Variants in PAPPA observed in about 807,000 individuals in gnomAD.
PAPPA encodes pappalysin-1.
PAPPA carries 60 observed loss-of-function variants against 164.0 expected under a neutral mutation model. The ratio of observed to expected loss-of-function variants is 0.37; its 90% confidence interval spans 0.30 to 0.45. The LOEUF is 0.45. Ranked by LOEUF, PAPPA falls within the 20% of genes least tolerant of loss-of-function variation. PAPPA has a pLI of 1.00. For missense variants in PAPPA, 1,782 were observed against 2,087.3 expected, an observed-to-expected ratio of 0.85 and a Z score of 2.85; for synonymous variants, 875 against 814.1, an observed-to-expected ratio of 1.07 and a Z score of -1.27.
chr9:116,202,321 A>G (rs1220430405), intron 2 of PAPPA, among the ~76,000 whole-genome samples: 1 of 152,180 alleles, frequency 6.6e-6, no homozygotes, highest in Admixed American at 6.5e-5. Flanking sequence ...GTGCCATCTC[A>G]GGCCAGTGCA....
At chr9:116,208,390 A>G (rs1205677438) in intron 3 of PAPPA, among the ~76,000 whole-genome samples, 1 of 152,076 alleles carries the variant, frequency 6.6e-6, no homozygotes, top group Non-Finnish European at 1.5e-5. Flanking sequence ...TCCATGTCGC[A>G]GAAGTCTTAT....
At chr9:116,366,024 A>G (rs748468617) in intron 18 of PAPPA, among the ~76,000 whole-genome samples, 2 of 152,182 alleles carry the variant, frequency 1.3e-5, no homozygotes, top group African/African-American at 4.8e-5. Flanking sequence ...TAATACATAC[A>G]TATGTATATT....
chr9:116,389,752 C>T lies in PAPPA; in HGVS notation c.4777-6757C>T, dbSNP rs192707649. ...GTGCCATGTTCTCAATGACTCCAAC[C>T]CTGACCACCCAACCCACATCACCCC... On this transcript the variant is annotated intron_variant, in intron 21 of 21. Coordinates refer to ENST00000328252, the MANE Select transcript of PAPPA (RefSeq NM_002581.5). Among the ~76,000 whole-genome samples the T allele has an allele frequency of 3.7e-3, 559 of 152,056 alleles. 9 individuals carry two copies. The highest frequency in any genetic ancestry group is 0.017 in the Middle Eastern group (5 of 292).
In PAPPA at chr9:116,235,227, C is replaced by T; in HGVS notation, c.2322C>T (p.Ala774=). The T allele has an allele frequency of 1.9e-6, 3 of 1,614,182 alleles. No individual in the cohort carries two copies. Among genetic ancestry groups the T allele is most frequent in the East Asian group, 2.2e-5 (1 of 44,876 alleles). The change falls in exon 7 of 22, where the codon GCC becomes GCT. Residue 774 remains alanine, a synonymous_variant. Coordinates refer to ENST00000328252, the MANE Select transcript of PAPPA (RefSeq NM_002581.5). ...TCAACCCACACACGGTTCCTCCAGC[C>T]TGCCCTGAGCCTCAAGGCTGCTACC... ...SAVNPHTVPP[A]CPEPQGCYLE...
intron 17 of PAPPA, among the ~76,000 whole-genome samples, chr9:116,360,509 T>C (rs912756516): frequency 2.0e-5 from 3 of 152,062 alleles, no homozygotes; most frequent in African/African-American, 4.8e-5. Flanking sequence ...TTTTCTCACA[T>C]AGGGGAGCCT....
At chr9:116,319,963 C>T (rs1187184306) in intron 10 of PAPPA, among the ~76,000 whole-genome samples, 2 of 152,156 alleles carry the variant, frequency 1.3e-5, no homozygotes, top group Non-Finnish European at 2.9e-5. Flanking sequence ...AAGCTTTTCC[C>T]TTAGAAGAAG....
intron 21 of PAPPA, among the ~76,000 whole-genome samples, chr9:116,393,393 C>T (rs1315603504): frequency 6.6e-6 from 1 of 152,146 alleles, no homozygotes; most frequent in South Asian, 2.1e-4. Context: ...AGTGGAGGCT[C>T]CCTGACTTGT....
chr9:116,213,377 C>G (rs1330104753), intron 4 of PAPPA, among the ~76,000 whole-genome samples: 1 of 152,054 alleles, frequency 6.6e-6, no homozygotes, highest in Non-Finnish European at 1.5e-5. Context: ...GTGTCAATAA[C>G]CCACCTCTGG....
intron 19 of PAPPA, among the ~76,000 whole-genome samples, chr9:116,372,858 G>T (rs144548195): frequency 6.6e-6 from 1 of 152,306 alleles, no homozygotes; most frequent in East Asian, 1.9e-4. Flanking sequence ...TCACTCCCCA[G>T]TGAGGTAAGG....
intron 21 of PAPPA, among the ~76,000 whole-genome samples, chr9:116,383,531 T>C (rs919484903): frequency 3.9e-5 from 5 of 126,996 alleles, no homozygotes; most frequent in African/African-American, 5.6e-5. Flanking sequence ...ACAAAGTGAA[T>C]GATAGAAAGA....
intron 9 of PAPPA, among the ~76,000 whole-genome samples, chr9:116,272,468 A>G (rs916085246): frequency 1.3e-5 from 2 of 152,226 alleles, no homozygotes; most frequent in African/African-American, 4.8e-5. Flanking sequence ...GGGTGCATTT[A>G]GACATTCTTT....
At chr9:116,306,705 A>G (rs1407085757) in intron 10 of PAPPA, among the ~76,000 whole-genome samples, 2 of 152,130 alleles carry the variant, frequency 1.3e-5, no homozygotes, top group South Asian at 2.1e-4. Flanking sequence ...AATATCTTGT[A>G]TTGTTCTTAT....
intron 19 of PAPPA, among the ~76,000 whole-genome samples, chr9:116,371,433 A>T (rs1430797471): frequency 6.6e-6 from 1 of 152,148 alleles, no homozygotes; most frequent in African/African-American, 2.4e-5. Flanking sequence ...TAATAATGAT[A>T]ATTAAAAATA....
At position 116,350,975 on chromosome 9, in the gene PAPPA, C is replaced by T. The variant is rs185118987; in HGVS notation, c.3965-1731C>T. On this transcript the variant is annotated intron_variant, in intron 15 of 21. Transcript: ENST00000328252. The stretch of plus-strand genomic sequence containing the variant: ...CCTTGTGCTAACCAGATGAATCATA[C>T]TGACAAAGAAGAAAAATGAAAAAAA... Among the ~76,000 whole-genome samples, 12 of 152,246 alleles carry T rather than the reference C, an allele frequency of 7.9e-5. No homozygotes were observed. In the East Asian group the frequency reaches 2.3e-3, roughly 29 times the overall value.
chr9:116,237,122 A>G (rs750681844), intron 7 of PAPPA, among the ~76,000 whole-genome samples: 8 of 152,214 alleles, frequency 5.3e-5, no homozygotes, highest in Admixed American at 3.9e-4. Flanking sequence ...TCTAGAGGAA[A>G]CTTTTAATCT....
intron 10 of PAPPA, among the ~76,000 whole-genome samples, chr9:116,329,130 C>A (rs1845958110): frequency 6.6e-6 from 1 of 152,154 alleles, no homozygotes; most frequent in African/African-American, 2.4e-5. Context: ...TTTGAATTTG[C>A]ACAGATTTAT....
chr9:116,327,307 G>A (rs1161882522), intron 10 of PAPPA, among the ~76,000 whole-genome samples: 1 of 152,176 alleles, frequency 6.6e-6, no homozygotes, highest in Non-Finnish European at 1.5e-5. Flanking sequence ...ATCACTGGAA[G>A]GATGGAAAAC....
chr9:116,192,318 G>A (rs1224900356), intron 2 of PAPPA, among the ~76,000 whole-genome samples: 1 of 152,134 alleles, frequency 6.6e-6, no homozygotes, highest in Non-Finnish European at 1.5e-5. Flanking sequence ...CAGTGGAGAG[G>A]GTGAGGAGTG....
intron 15 of PAPPA, among the ~76,000 whole-genome samples, chr9:116,352,246 G>A (rs1200636823): frequency 6.6e-6 from 1 of 152,172 alleles, no homozygotes; most frequent in Non-Finnish European, 1.5e-5. Flanking sequence ...CAGATACAGG[G>A]GTGCTGGGCC....
Sources: gnomAD v4.1 joint callset for allele counts (sites outside exome capture counted in the v4.1 genomes callset) on GRCh38, gnomAD v4.1.1 for gene constraint, MANE v1.5 for transcripts, NCBI Gene and HGNC (gene_info 2026-07-23, HGNC 2026-07-21) for gene names.